The following DLG5 variants were observed in gnomAD, a reference collection of about 807,000 sequenced individuals.
DLG5 encodes disks large homolog 5.
Under a neutral mutation model 189.8 loss-of-function variants are expected in DLG5, and 48 were observed. The observed-to-expected ratio is 0.25, with a 90% CI of 0.20 to 0.32. The LOEUF (loss-of-function observed/expected upper bound fraction) is 0.32, where lower values mean the gene tolerates loss of function less well. DLG5 is among the 10% of genes least tolerant of loss of function. DLG5 has a pLI of 1.00. For missense variants in DLG5, 2,160 were observed against 2,544.7 expected (o/e 0.85, Z 3.25); for synonymous variants, 1,016 against 1,054.1 (o/e 0.96, Z 0.70).
Position 77,843,721 on chromosome 10 carries a change from G to A in DLG5, c.865-15C>T. 1 of 1,613,930 alleles carries A rather than the reference G, an allele frequency of 6.2e-7. No homozygotes were observed. Among genetic ancestry groups the A allele is most frequent in the Non-Finnish European group, 8.5e-7 (1 of 1,179,898 alleles). ...TGCTTCAACACCTGGAGACCAGACA[G>A]TTTCACTTACCAAGGGTCTGTGGGA... is the stretch of plus-strand genomic sequence containing the variant. On this transcript the variant is annotated splice_polypyrimidine_tract_variant and intron_variant, in intron 5 of 31. Transcript: ENST00000372391.
chr10:77,812,106 A>G, intron 21 of DLG5, 49 bp from the exon 22 acceptor site: 1 of 1,602,070 alleles, frequency 6.2e-7, no homozygotes, highest in Non-Finnish European at 8.5e-7. Flanking sequence ...GGCTGTGGAC[A>G]GGGAGGAGGC....
intron 1 of DLG5, among the ~76,000 whole-genome samples, chr10:77,913,896 G>A (rs953696815): frequency 6.6e-6 from 1 of 152,110 alleles, no homozygotes; most frequent in Non-Finnish European, 1.5e-5. Context: ...GCTCTTGAAA[G>A]TCTTTAATAG....
Position 77,884,823 on chromosome 10 carries a change from C to T in DLG5, c.305-15626G>A, listed in dbSNP as rs576406797. ...AGATGTTCCAAACATGCTTCCTCTC[C>T]GATAAAGTAACACCGTCCAGGAGGG... On this transcript the variant is annotated intron_variant, in intron 1 of 31. Transcript: ENST00000372391. Among the ~76,000 whole-genome samples, 26 of 152,240 alleles carry T rather than the reference C, an allele frequency of 1.7e-4. No individual in the cohort carries two copies. In the South Asian group the frequency reaches 3.3e-3, roughly 19 times the overall value.
intron 1 of DLG5, among the ~76,000 whole-genome samples, chr10:77,874,654 T>G (rs60758387): frequency 1.3e-5 from 2 of 152,238 alleles, no homozygotes; most frequent in Non-Finnish European, 2.9e-5. Flanking sequence ...TATCTCATTA[T>G]GTATATGCAA....
At chr10:77,811,369 C>G in intron 22 of DLG5, 135 bp from the exon 23 acceptor site, 1 of 1,129,534 alleles carries the variant, frequency 8.9e-7, no homozygotes, top group South Asian at 1.8e-5. Context: ...CTGAGCAGAG[C>G]AGACACATTA....
chr10:77,807,547 C>T (rs1183437035), intron 25 of DLG5, among the ~76,000 whole-genome samples: 1 of 152,220 alleles, frequency 6.6e-6, no homozygotes, highest in Admixed American at 6.5e-5. Context: ...CGGGGCTTGA[C>T]TGCCTCCAAA....
At chr10:77,795,945 G>A in intron 29 of DLG5, 116 bp downstream of exon 29, 1 of 1,456,978 alleles carries the variant, frequency 6.9e-7, no homozygotes, top group Non-Finnish European at 9.5e-7. Flanking sequence ...ACACAACACG[G>A]TGGGCTCACT....
chr10:77,833,857 A>AGGGGCCCC lies in DLG5; in HGVS notation c.1748+49_1748+56dup, dbSNP rs936879828. ...CAGCATTGCCTTGCCCAGAAGGGAG[A>AGGGGCCCC]GGGGCCCCAGGCTCCCAGATGCATG... On this transcript the variant is annotated intron_variant, in intron 9 of 31. Transcript: ENST00000372391. 1.0e-5 allele frequency: 16 copies of AGGGGCCCC among 1,588,852 alleles called. No individual in the cohort carries two copies. In the Admixed American group the frequency reaches 2.2e-4, roughly 22 times the overall value.
At chr10:77,846,777 C>G (rs2154576475) in intron 5 of DLG5, 1 of 454,318 alleles carries the variant, frequency 2.2e-6, no homozygotes, top group Non-Finnish European at 4.4e-6. Flanking sequence ...CCAAATGAGT[C>G]TGCTTTGCTG....
intron 5 of DLG5, among the ~76,000 whole-genome samples, chr10:77,851,650 C>T (rs1843982020): frequency 6.6e-6 from 1 of 152,208 alleles, no homozygotes. Context: ...TCTAATAGCT[C>T]CAAGTATATC....
At chr10:77,871,242 A>C (rs1036020504) in intron 1 of DLG5, among the ~76,000 whole-genome samples, 16 of 152,082 alleles carry the variant, frequency 1.1e-4, no homozygotes, top group African/African-American at 2.4e-4. Context: ...CTGCATCTCT[A>C]AACAGGTCTG....
At chr10:77,846,862 T>A (rs1451777041) in intron 5 of DLG5, 1 of 388,798 alleles carries the variant, frequency 2.6e-6, no homozygotes, top group Admixed American at 3.3e-5. Context: ...AACGCTCTCC[T>A]GCAGCGGCTT....
intron 3 of DLG5, among the ~76,000 whole-genome samples, chr10:77,855,555 C>A (rs937011759): frequency 2.0e-5 from 3 of 152,230 alleles, no homozygotes; most frequent in Non-Finnish European, 4.4e-5. Context: ...CACTTTGTAA[C>A]CAATGAGCAT....
chr10:77,910,322 C>T (rs1846182955), intron 1 of DLG5, among the ~76,000 whole-genome samples: 1 of 152,170 alleles, frequency 6.6e-6, no homozygotes, highest in South Asian at 2.1e-4. Context: ...GAGCAGGCTA[C>T]CAAACTCTAC....
At chr10:77,937,092 A>G in the DLG5 span, among the ~76,000 whole-genome samples, 2 of 151,834 alleles carry the variant, frequency 1.3e-5, no homozygotes, top group Non-Finnish European at 2.9e-5. Flanking sequence ...CCACTCCCTC[A>G]ATTCCTCAAG....
intron 19 of DLG5, 135 bp downstream of exon 19, chr10:77,816,872 C>CT: frequency 7.4e-7 from 1 of 1,352,392 alleles, no homozygotes; most frequent in Non-Finnish European, 1.0e-6. Flanking sequence ...ACCACCAGGC[C>CT]TACTGCTGGG....
In DLG5 at chr10:77,822,023, G is replaced by A. The variant is rs764575492; in HGVS notation, c.2461C>T (p.Arg821Ter). 1 of 1,614,186 alleles carries A rather than the reference G, an allele frequency of 6.2e-7. No individual in the cohort carries two copies. The highest frequency in any genetic ancestry group is 8.5e-7 in the Non-Finnish European group (1 of 1,180,026). The change falls in exon 15 of 32, where the codon CGA (arginine) becomes TGA (stop). Residue 821 changes from arginine to a stop codon, truncating the protein, a stop_gained. Transcript: ENST00000372391. LOFTEE classifies it high-confidence loss of function. ...GCCTGGACCTCCGGGCCATGGGCTC[G>A]AAAACTCAGCATCTTATCAGAGTCT... Reference protein sequence around the residue: ...IKDSDKMLSFRAHGPEVQAHN... With the variant: ...IKDSDKMLSF
In DLG5 at chr10:77,853,459, C is replaced by T; in HGVS notation, c.759G>A (p.Gln253=). 6.2e-7 allele frequency: 1 copy of T among 1,611,732 alleles called. No individual in the cohort carries two copies. ...GCAGCAGGTTTCGCTCCCGCAGCAG[C>T]TGCCCATTCTCCCGCCTCAGCATGT... ...DVDMLRRENG[Q]LLRERNLLQQ... The change falls in exon 5 of 32, where the codon CAG becomes CAA. Residue 253 remains glutamine (Q), a synonymous_variant. Transcript: ENST00000372391.
intron 1 of DLG5, chr10:77,889,436 G>C (rs1589256236): frequency 6.6e-6 from 1 of 152,628 alleles, no homozygotes; most frequent in East Asian, 1.9e-4. Flanking sequence ...CACCCGTGCT[G>C]ACAGCGCACT....
Sources: gnomAD v4.1 joint callset for allele counts (sites outside exome capture counted in the v4.1 genomes callset) on GRCh38, gnomAD v4.1.1 for gene constraint, MANE v1.5 for transcripts, NCBI Gene and HGNC (gene_info 2026-07-23, HGNC 2026-07-21) for gene names.